LPP: variants seen among roughly 807,000 people sequenced by gnomAD.
LPP encodes the protein lipoma-preferred partner.
Under a neutral mutation model 60.4 loss-of-function variants are expected in LPP, and 38 were observed. The ratio of observed to expected loss-of-function variants is 0.63; its 90% confidence interval spans 0.49 to 0.83. The LOEUF (loss-of-function observed/expected upper bound fraction) is 0.83. Among genes scored for constraint, LPP ranks in the 40% least tolerant of loss-of-function variants. The pLI is 0.00. For synonymous variants in LPP, 328 were observed against 290.8 expected (o/e 1.13, Z -1.30); for missense variants, 902 against 783.6 (o/e 1.15, Z -1.80).
chr3:188,880,034 CTTTTTTTT>C lies in LPP; in HGVS notation c.*5562_*5569del, dbSNP rs71169024. The stretch of plus-strand genomic sequence containing the variant: ...AAAGATGCGTTTTTTTTCTTTTTTT[CTTTTTTTT>C]TTTTTTGAGACGGAGTCTGGCTCTG... On this transcript the variant is annotated 3_prime_UTR_variant, in exon 12 of 12. Transcript: ENST00000617246. 1 of 144,320 alleles carries C rather than the reference CTTTTTTTT, an allele frequency of 6.9e-6. No individual in the cohort carries two copies. The highest frequency in any genetic ancestry group is 1.4e-5 in the Non-Finnish European group (1 of 69,080). The allele number at this position is 144,320 out of a possible 1,614,324, so 8.9% of individuals were successfully genotyped here. A position where few individuals can be genotyped will look rare whatever the true frequency, so the allele number is the denominator to read the frequency against.
rs56025983 is a variant in LPP at position 188,411,973 on chromosome 3, G to GTCTCTC, written c.193+5680_193+5685dup. Among the ~76,000 whole-genome samples, 368 of 149,842 alleles carry GTCTCTC rather than the reference G, an allele frequency of 2.5e-3. 3 individuals carry two copies. The highest frequency in any genetic ancestry group is 3.4e-3 in the Middle Eastern group (1 of 292). ...AATAACTCTCTCTCTCTCTTTCTCTGTCTCTCTCTCTCTCTCTCTCTCTCT... is the reference window on the plus strand; with the variant it reads ...AATAACTCTCTCTCTCTCTTTCTCTGTCTCTCTCTCTCTCTCTCTCTCTCTCTCTCT... On this transcript the variant is annotated intron_variant, in intron 4 of 11. Coordinates refer to ENST00000617246, the MANE Select transcript of LPP (RefSeq NM_001375462.1).
chr3:188,330,765 G>A (rs1419010712), intron 2 of LPP, among the ~76,000 whole-genome samples: 4 of 152,096 alleles, frequency 2.6e-5, no homozygotes, highest in African/African-American at 9.7e-5. Flanking sequence ...GCAGTGAGCC[G>A]AGATCGTGCT....
chr3:188,555,603 T>G (rs189579718), intron 6 of LPP, among the ~76,000 whole-genome samples: 6 of 152,206 alleles, frequency 3.9e-5, no homozygotes, highest in Non-Finnish European at 8.8e-5. Context: ...GAATGGCTCC[T>G]AGGTTTTTAC....
chr3:188,294,908 G>A (rs1747337544), intron 2 of LPP, among the ~76,000 whole-genome samples: 1 of 152,238 alleles, frequency 6.6e-6, no homozygotes, highest in Non-Finnish European at 1.5e-5. Flanking sequence ...GCCAGTGTCT[G>A]ACTGTAGCTG....
chr3:188,363,224 C>G (rs1578342358), intron 3 of LPP, among the ~76,000 whole-genome samples: 1 of 152,222 alleles, frequency 6.6e-6, no homozygotes, highest in Non-Finnish European at 1.5e-5. Context: ...ATTTCCACGC[C>G]CGGTTTTTTG....
intron 4 of LPP, among the ~76,000 whole-genome samples, chr3:188,469,554 A>G (rs1579144472): frequency 6.6e-6 from 1 of 152,284 alleles, no homozygotes; most frequent in East Asian, 1.9e-4. Context: ...AGGGCTTGAT[A>G]TGCCAAGTCA....
intron 6 of LPP, among the ~76,000 whole-genome samples, chr3:188,562,923 G>A (rs1238076291): frequency 6.6e-6 from 1 of 151,966 alleles, no homozygotes; most frequent in Non-Finnish European, 1.5e-5. Context: ...GGAAATTTGG[G>A]AAGTCAAATA....
intron 2 of LPP, chr3:188,312,939 A>G (rs1032807594): frequency 6.6e-6 from 1 of 151,254 alleles, no homozygotes; most frequent in African/African-American, 2.4e-5. Context: ...AACAATGAGA[A>G]TGCTTGGACA....
intron 8 of LPP, among the ~76,000 whole-genome samples, chr3:188,715,893 A>G (rs1455523021): frequency 2.0e-5 from 3 of 152,192 alleles, no homozygotes; most frequent in Admixed American, 6.5e-5. Flanking sequence ...CTGGAAATGG[A>G]TGTTGTAATA....
At chr3:188,339,322 T>A (rs939733712) in intron 2 of LPP, among the ~76,000 whole-genome samples, 3 of 152,196 alleles carry the variant, frequency 2.0e-5, no homozygotes, top group Non-Finnish European at 4.4e-5. Flanking sequence ...TGCCACTCAA[T>A]CCACGTGAAG....
intron 3 of LPP, among the ~76,000 whole-genome samples, chr3:188,381,105 G>T (rs1776758736): frequency 6.6e-6 from 1 of 152,148 alleles, no homozygotes. Flanking sequence ...TAATAAATGG[G>T]TAGTGGAGGC....
intron 2 of LPP, among the ~76,000 whole-genome samples, chr3:188,297,839 G>A (rs1273621007): frequency 6.6e-6 from 1 of 152,174 alleles, no homozygotes; most frequent in Admixed American, 6.5e-5. Flanking sequence ...AAGGGATCAG[G>A]TAGAGGTACT....
At chr3:188,300,318 A>G (rs1300413384) in intron 2 of LPP, among the ~76,000 whole-genome samples, 1 of 152,144 alleles carries the variant, frequency 6.6e-6, no homozygotes, top group African/African-American at 2.4e-5. Context: ...TCATTGCATA[A>G]TATTGCATTA....
chr3:188,220,923 T>C (rs1203458976), intron 1 of LPP, among the ~76,000 whole-genome samples: 4 of 152,184 alleles, frequency 2.6e-5, no homozygotes, highest in Non-Finnish European at 5.9e-5. Flanking sequence ...TCCCCTACCC[T>C]TGCTATGCTT....
At chr3:188,846,011 A>G (rs1353176427) in intron 9 of LPP, among the ~76,000 whole-genome samples, 1 of 152,224 alleles carries the variant, frequency 6.6e-6, no homozygotes, top group Non-Finnish European at 1.5e-5. Flanking sequence ...GACAAAATCA[A>G]TTCTTTGCAT....
At chr3:188,716,100 G>A (rs1713883632) in intron 8 of LPP, among the ~76,000 whole-genome samples, 1 of 152,156 alleles carries the variant, frequency 6.6e-6, no homozygotes, top group African/African-American at 2.4e-5. Context: ...TCAGAACTTA[G>A]CATTTATCTA....
intron 10 of LPP, among the ~76,000 whole-genome samples, chr3:188,872,161 G>T (rs1393886321): frequency 6.6e-6 from 1 of 152,082 alleles, no homozygotes; most frequent in African/African-American, 2.4e-5. Context: ...TCAGTTCCTA[G>T]AAGTCAAGGC....
At chr3:188,816,241 G>T (rs368675472) in intron 9 of LPP, among the ~76,000 whole-genome samples, 35 of 124,378 alleles carry the variant, frequency 2.8e-4, no homozygotes, top group African/African-American at 1.0e-3. Flanking sequence ...TCGCTCTGTC[G>T]CCCAGGCTGG....
At chr3:188,636,442 C>T (rs1390278386) in intron 7 of LPP, among the ~76,000 whole-genome samples, 1 of 152,208 alleles carries the variant, frequency 6.6e-6, no homozygotes, top group Non-Finnish European at 1.5e-5. Flanking sequence ...GCACAGCAGT[C>T]TGAGATCAAA....
Sources: gnomAD v4.1 joint callset for allele counts (sites outside exome capture counted in the v4.1 genomes callset) on GRCh38, gnomAD v4.1.1 for gene constraint, MANE v1.5 for transcripts, NCBI Gene and HGNC (gene_info 2026-07-23, HGNC 2026-07-21) for gene names.